CENPX: variants seen among roughly 807,000 people sequenced by gnomAD.
CENPX encodes the protein FANCM associated histone fold protein 2.
A neutral mutation model predicts 13.2 loss-of-function variants in CENPX; 13 were observed. The observed-to-expected ratio is 0.98, with a 90% CI of 0.64 to 1.56. The LOEUF (loss-of-function observed/expected upper bound fraction) is 1.56, where lower values mean the gene tolerates loss of function less well. CENPX is among the 40% of genes most tolerant of loss of function. The probability of loss-of-function intolerance (pLI) is 0.00; values close to 1 mark genes in which losing one functional copy is unlikely to be tolerated. For missense variants in CENPX, 138 were observed against 107.5 expected (o/e 1.28, Z -1.26); for synonymous variants, 66 against 47.2 (o/e 1.40, Z -1.63).
Position 82,019,869 on chromosome 17 carries a change from T to G in CENPX, c.77A>C (p.Asp26Ala). The part of the protein sequence containing the change: ...SRLLHLHFKD[D>A]KTKVSGDALQ... ...ACCCCCACCCGCACCTTTGGTCTTG[T>G]CATCCTTGAAGTGCAGGTGCAGCAG... Residue 26 changes from aspartate (D) to alanine (A), a missense_variant, in exon 2 of 5, where the codon GAC becomes GCC. Asp to Ala is a moderately radical substitution (Grantham distance 126). Transcript: ENST00000392359. The G allele has an allele frequency of 6.2e-7, 1 of 1,600,272 alleles. No homozygotes were observed. The highest frequency in any genetic ancestry group is 8.5e-7 in the Non-Finnish European group (1 of 1,170,900).
In CENPX at chr17:82,018,898, C is replaced by T; in HGVS notation, c.*307G>A. ...ACACACAGGCTACCTGCTGGCCAGGCCTTTCCCAGCACCTGCCTGTAGGAC... is the reference window on the plus strand; with the variant it reads ...ACACACAGGCTACCTGCTGGCCAGGTCTTTCCCAGCACCTGCCTGTAGGAC... On this transcript the variant is annotated 3_prime_UTR_variant, in exon 5 of 5. Transcript: ENST00000392359. The T allele has an allele frequency of 2.6e-6, 1 of 387,126 alleles. No individual in the cohort carries two copies. The highest frequency in any genetic ancestry group is 4.6e-6 in the Non-Finnish European group (1 of 219,164). The allele number at this position is 387,126 out of a possible 1,614,324, so 24.0% of individuals were successfully genotyped here.
Position 82,022,848 on chromosome 17 carries a change from C to G in CENPX, c.14G>C (p.Gly5Ala), listed in dbSNP as rs755827936. 6.3e-7 allele frequency: 1 copy of G among 1,593,040 alleles called. No homozygotes were observed. The highest frequency in any genetic ancestry group is 8.5e-7 in the Non-Finnish European group (1 of 1,172,630). MEGA[G>A]AGSGFRKELV... ...CACCTTCCGGAAGCCGGATCCAGCT[C>G]CTGCTCCCTCCATGACCGCAGCCTC... Residue 5 changes from glycine (G) to alanine (A), a missense_variant, in exon 1 of 5, where the codon GGA becomes GCA. By Grantham distance (60) the Gly-to-Ala change is moderately conservative. Transcript: ENST00000392359.
rs779995460 is a variant in CENPX at position 82,019,889 on chromosome 17, C to G, written c.57G>C (p.Leu19=). 6.3e-7 allele frequency: 1 copy of G among 1,581,806 alleles called. No individual in the cohort carries two copies. Among genetic ancestry groups the G allele is most frequent in the Non-Finnish European group, 8.6e-7 (1 of 1,161,372 alleles). ...TCTTGTCATCCTTGAAGTGCAGGTG[C>G]AGCAGCCTGCTCACCAGCTCCTAGA... ...GFRKELVSRL[L]HLHFKDDKTK... Residue 19 remains leucine, a synonymous_variant, in exon 2 of 5, where the codon CTG becomes CTC. Coordinates refer to ENST00000392359, the MANE Select transcript of CENPX (RefSeq NM_001271006.2).
intron 1 of CENPX, chr17:82,022,499 G>C: frequency 6.1e-6 from 3 of 493,446 alleles, no homozygotes; most frequent in African/African-American, 2.1e-5. Flanking sequence ...AAGACCCCAG[G>C]CTCAGGGCGC....
At chr17:82,022,636 T>A (rs2043309419) in intron 1 of CENPX, 190 bp downstream of exon 1, 1 of 657,300 alleles carries the variant, frequency 1.5e-6, no homozygotes, top group Non-Finnish European at 2.5e-6. Flanking sequence ...CGCCCCCTCC[T>A]ACCAGCTGCG....
At chr17:82,022,427 C>A (rs931795741) in intron 1 of CENPX, among the ~76,000 whole-genome samples, 1 of 152,226 alleles carries the variant, frequency 6.6e-6, no homozygotes, top group African/African-American at 2.4e-5. Context: ...GTAGGTCCTG[C>A]CGGCTCCTCG....
intron 1 of CENPX, among the ~76,000 whole-genome samples, chr17:82,020,440 C>T (rs1473764543): frequency 1.3e-5 from 2 of 152,194 alleles, no homozygotes; most frequent in African/African-American, 2.4e-5. Flanking sequence ...CCCGTCTTGC[C>T]CTGGTGCTCA....
At chr17:82,020,620 C>T (rs2043264009) in intron 1 of CENPX, among the ~76,000 whole-genome samples, 1 of 151,866 alleles carries the variant, frequency 6.6e-6, no homozygotes, top group African/African-American at 2.4e-5. Flanking sequence ...TTGTGGAAAG[C>T]AGCACTGGCG....
At position 82,022,870 on chromosome 17, in the gene CENPX, C is replaced by A. The variant is rs1217167127; in HGVS notation, c.-9G>T. The A allele has an allele frequency of 1.3e-6, 2 of 1,589,374 alleles. No homozygotes were observed. The highest frequency in any genetic ancestry group is 1.7e-6 in the Non-Finnish European group (2 of 1,171,246). On this transcript the variant is annotated 5_prime_UTR_variant, in exon 1 of 5. Coordinates refer to ENST00000392359, the MANE Select transcript of CENPX (RefSeq NM_001271006.2). ...GCTCCTGCTCCCTCCATGACCGCAG[C>A]CTCAACGCGCGCCCACCGGAACCCC...
At chr17:82,021,436 G>A (rs979052898) in intron 1 of CENPX, among the ~76,000 whole-genome samples, 4 of 152,226 alleles carry the variant, frequency 2.6e-5, no homozygotes, top group Admixed American at 2.6e-4. Context: ...GGCCTTGGAA[G>A]GAAGACCACG....
intron 1 of CENPX, chr17:82,022,587 GCAGA>G: frequency 1.7e-6 from 1 of 580,464 alleles, no homozygotes; most frequent in Non-Finnish European, 3.0e-6. Context: ...GCCTGTTTCT[GCAGA>G]CCCTCTCCAC....
In CENPX at chr17:82,018,949, C is replaced by T; in HGVS notation, c.*256G>A. ...CCCGGGTGGCATGCACACTATTGTC[C>T]CAGGGAGGAGAGGCAGGGACTCCCC... is the stretch of plus-strand genomic sequence containing the variant. On this transcript the variant is annotated 3_prime_UTR_variant, in exon 5 of 5. Coordinates refer to ENST00000392359, the MANE Select transcript of CENPX (RefSeq NM_001271006.2). 1 of 439,904 alleles carries T rather than the reference C, an allele frequency of 2.3e-6. No homozygotes were observed. Among genetic ancestry groups the T allele is most frequent in the Non-Finnish European group, 3.9e-6 (1 of 257,024 alleles). The allele number at this position is 439,904 out of a possible 1,614,324, so 27.3% of individuals were successfully genotyped here. A position where few individuals can be genotyped will look rare whatever the true frequency, so the allele number is the denominator to read the frequency against.
intron 1 of CENPX, among the ~76,000 whole-genome samples, chr17:82,021,010 T>A (rs2043271631): frequency 6.6e-6 from 1 of 151,650 alleles, no homozygotes; most frequent in African/African-American, 2.4e-5. Flanking sequence ...AGTCCAGGAC[T>A]GGGGGTGGGG....
rs140085467 is a variant in CENPX, at chr17:82,022,838, G to T, written c.24C>A (p.Ser8=). 9.2e-4 allele frequency: 1,467 copies of T among 1,592,818 alleles called. 5 individuals are homozygous for T. The highest frequency in any genetic ancestry group is 1.1e-3 in the Non-Finnish European group (1,327 of 1,172,336). The change falls in exon 1 of 5, where the codon TCC becomes TCA. Residue 8 remains serine (S), a synonymous_variant. Transcript: ENST00000392359. MEGAGAG[S]GFRKELVSRL... ...CTCCGGCCCTCACCTTCCGGAAGCC[G>T]GATCCAGCTCCTGCTCCCTCCATGA...
rs2043230294 is a variant in CENPX at position 82,019,321 on chromosome 17, T to G, written c.203A>C (p.Asp68Ala). 1 of 1,589,194 alleles carries G rather than the reference T, an allele frequency of 6.3e-7. No individual in the cohort carries two copies. The highest frequency in any genetic ancestry group is 1.3e-5 in the African/African-American group (1 of 74,876). Reference sequence around the variant, plus strand: ...CTGCGGAAGCACCTTCTCCAGCTGGTCCACGTCCACACGGAGCGCGTCTTC... The same window carrying G: ...CTGCGGAAGCACCTTCTCCAGCTGGGCCACGTCCACACGGAGCGCGTCTTC... ...QAEDALRVDV[D>A]QLEKVLPQLL... Residue 68 changes from aspartate to alanine, a missense_variant, in exon 4 of 5, where the codon GAC becomes GCC. Coordinates refer to ENST00000392359, the MANE Select transcript of CENPX (RefSeq NM_001271006.2).
chr17:82,021,753 G>C (rs556675734), intron 1 of CENPX, among the ~76,000 whole-genome samples: 1 of 152,218 alleles, frequency 6.6e-6, no homozygotes, highest in Non-Finnish European at 1.5e-5. Context: ...CCCCGTCTCC[G>C]GCAGTGGCCT....
intron 1 of CENPX, among the ~76,000 whole-genome samples, chr17:82,020,112 G>A (rs2043254950): frequency 1.3e-5 from 2 of 152,222 alleles, no homozygotes; most frequent in African/African-American, 4.8e-5. Context: ...CTCCACTAGG[G>A]GGCGCCAGGG....
rs546268282 is a variant in CENPX, at chr17:82,018,923, C to G, written c.*282G>C. On this transcript the variant is annotated 3_prime_UTR_variant, in exon 5 of 5. Coordinates refer to ENST00000392359, the MANE Select transcript of CENPX (RefSeq NM_001271006.2). ...CCTTTCCCAGCACCTGCCTGTAGGA[C>G]CCCGGGTGGCATGCACACTATTGTC... 38 of 403,384 alleles carry G rather than the reference C, an allele frequency of 9.4e-5. No homozygotes were observed. Among genetic ancestry groups the G allele is most frequent in the Admixed American group, 2.6e-4 (6 of 23,154 alleles). 25.0% of individuals were successfully genotyped at this position (403,384 alleles called of 1,614,324 possible).
rs370072214 is a variant in CENPX, at chr17:82,019,177, G to T, written c.*28C>A. 7.8e-6 allele frequency: 12 copies of T among 1,543,534 alleles called. No individual in the cohort carries two copies. The African/African-American group carries it at 1.6e-4, about 21-fold the overall frequency. On this transcript the variant is annotated 3_prime_UTR_variant, in exon 5 of 5. Coordinates refer to ENST00000392359, the MANE Select transcript of CENPX (RefSeq NM_001271006.2). ...CTTCTGTGGACCAGGGGCTCCTCTG[G>T]GGGTGGCCTCAGCCACGGCTGAGAT...
Sources: gnomAD v4.1 joint callset for allele counts (sites outside exome capture counted in the v4.1 genomes callset) on GRCh38, gnomAD v4.1.1 for gene constraint, MANE v1.5 for transcripts, NCBI Gene and HGNC (gene_info 2026-07-23, HGNC 2026-07-21) for gene names.